The following SLCO1B3 variants were observed in gnomAD, a reference collection of about 807,000 sequenced individuals.
The protein encoded by SLCO1B3 is liver-specific organic anion transporter 2.
In SLCO1B3, 72 loss-of-function variants were observed where a neutral mutation model predicts 71.8. The observed-to-expected ratio is 1.00, with a 90% confidence interval of 0.83 to 1.22. SLCO1B3 has a LOEUF of 1.22. SLCO1B3 is among the 50% of genes most tolerant of loss of function. The probability of loss-of-function intolerance (pLI) is 0.00; values close to 1 mark genes in which losing one functional copy is unlikely to be tolerated. For synonymous variants in SLCO1B3, 298 were observed against 278.4 expected (o/e 1.07, Z -0.70); for missense variants, 911 against 819.7 (o/e 1.11, Z -1.36).
intron 12 of SLCO1B3, among the ~76,000 whole-genome samples, chr12:20,881,852 G>A (rs1445640277): frequency 6.6e-6 from 1 of 152,198 alleles, no homozygotes; most frequent in South Asian, 2.1e-4. Flanking sequence ...AGTCAGCTGC[G>A]ATTATGACTC....
rs202026832 is a variant in SLCO1B3 at position 20,814,522 on chromosome 12, T to TA, written c.-66+889dup. Among the ~76,000 whole-genome samples, 887 of 152,186 alleles carry TA rather than the reference T, an allele frequency of 5.8e-3. 8 individuals carry two copies. The highest frequency in any genetic ancestry group is 0.021 in the African/African-American group (862 of 41,526). ...ATTAATATAAAGTATATACAGAAGA[T>TA]AAAAAGGTAGAGTGCAGTAATACTG... On this transcript the variant is annotated intron_variant, in intron 2 of 15. Coordinates refer to ENST00000381545, the MANE Select transcript of SLCO1B3 (RefSeq NM_019844.4).
At chr12:20,825,196 C>T (rs552847004) in intron 3 of SLCO1B3, among the ~76,000 whole-genome samples, 11 of 152,036 alleles carry the variant, frequency 7.2e-5, no homozygotes, top group East Asian at 3.9e-4. Flanking sequence ...GTTTATCTAA[C>T]GCAGGGGTCC....
chr12:20,904,843 A>G (rs571563729), intron 15 of SLCO1B3, among the ~76,000 whole-genome samples: 153 of 126,820 alleles, frequency 1.2e-3, no homozygotes, highest in South Asian at 2.6e-3. Context: ...GCATGATCTC[A>G]GCTTCCCGTA....
At chr12:20,893,829 T>C (rs1865950696) in intron 13 of SLCO1B3, among the ~76,000 whole-genome samples, 1 of 152,158 alleles carries the variant, frequency 6.6e-6, no homozygotes, top group African/African-American at 2.4e-5. Context: ...GACATTCTGC[T>C]GGTGACAGGA....
chr12:20,821,753 G>A (rs1018386742), intron 3 of SLCO1B3, among the ~76,000 whole-genome samples: 6 of 152,194 alleles, frequency 3.9e-5, no homozygotes, highest in Admixed American at 1.3e-4. Flanking sequence ...GAAGGACCAA[G>A]GCAGGCATCC....
chr12:20,828,283 G>T (rs947301207), intron 3 of SLCO1B3, among the ~76,000 whole-genome samples: 1 of 136,142 alleles, frequency 7.3e-6, no homozygotes, highest in Non-Finnish European at 1.5e-5. Flanking sequence ...AATAGCACCT[G>T]TTGTAAGAAC....
At chr12:20,909,805 G>A (rs1866338470) in intron 15 of SLCO1B3, among the ~76,000 whole-genome samples, 2 of 152,130 alleles carry the variant, frequency 1.3e-5, no homozygotes, top group South Asian at 2.1e-4. Context: ...TGCACTCCTA[G>A]GCTCAGGGAA....
At chr12:20,890,368 G>C (rs1211237014) in intron 13 of SLCO1B3, among the ~76,000 whole-genome samples, 1 of 152,120 alleles carries the variant, frequency 6.6e-6, no homozygotes, top group South Asian at 2.1e-4. Flanking sequence ...ACTCTGAAAA[G>C]GTACTTGATA....
chr12:20,811,597 T>C (rs1453772885), intron 1 of SLCO1B3, among the ~76,000 whole-genome samples: 2 of 152,148 alleles, frequency 1.3e-5, no homozygotes, highest in Non-Finnish European at 1.5e-5. Flanking sequence ...TAAACAGAAA[T>C]AAGCAGAGGC....
At chr12:20,813,349 C>T (rs1033314495) in intron 1 of SLCO1B3, among the ~76,000 whole-genome samples, 175 bp from the exon 2 acceptor site, 5 of 152,130 alleles carry the variant, frequency 3.3e-5, no homozygotes, top group African/African-American at 9.7e-5. Flanking sequence ...TTGTTTGTGA[C>T]ACCAAAATTA....
chr12:20,866,152 G>C (rs1008407469), intron 8 of SLCO1B3, among the ~76,000 whole-genome samples: 1 of 152,078 alleles, frequency 6.6e-6, no homozygotes, highest in African/African-American at 2.4e-5. Context: ...AGTGATGCTG[G>C]AAGTGCTCCC....
At chr12:20,878,327 G>A (rs921521327) in intron 10 of SLCO1B3, among the ~76,000 whole-genome samples, 5 of 151,990 alleles carry the variant, frequency 3.3e-5, no homozygotes, top group African/African-American at 1.2e-4. Context: ...TAAGGCCTCA[G>A]CTACTTACAA....
intron 3 of SLCO1B3, among the ~76,000 whole-genome samples, chr12:20,835,709 T>C (rs754454247): frequency 6.6e-6 from 1 of 152,178 alleles, no homozygotes; most frequent in Non-Finnish European, 1.5e-5. Flanking sequence ...TACCAAACTT[T>C]CCCACATCTT....
rs751405974 is a variant in SLCO1B3, at chr12:20,875,332, AT to A, written c.833del (p.Phe278SerfsTer22). 8 of 1,612,522 alleles carry A rather than the reference AT, an allele frequency of 5.0e-6. No individual in the cohort carries two copies. The highest frequency in any genetic ancestry group is 3.3e-5 in the Admixed American group (2 of 59,786). On this transcript the variant is annotated frameshift_variant, in exon 9 of 16. Coordinates refer to ENST00000381545, the MANE Select transcript of SLCO1B3 (RefSeq NM_019844.4). LOFTEE classifies it high-confidence loss of function. ...TATTTTCCATTATTTCTTCCATACC[AT>A]TTTTTTTCTTGCCGAAAAATCCAAA... ...GLFSIISSIPFFFLPKNPNKP... is the reference protein window; with the variant it reads ...GLFSIISSIPXFFLPKNPNKP...
intron 4 of SLCO1B3, among the ~76,000 whole-genome samples, chr12:20,857,751 C>T (rs1385293290): frequency 6.6e-6 from 1 of 151,928 alleles, no homozygotes; most frequent in Non-Finnish European, 1.5e-5. Context: ...AACTATTTTC[C>T]ATCAGTGTTC....
chr12:20,875,219 T>C lies in SLCO1B3; in HGVS notation c.728-16T>C, dbSNP rs770413001. On this transcript the variant is annotated splice_polypyrimidine_tract_variant and intron_variant, in intron 8 of 15. Coordinates refer to ENST00000381545, the MANE Select transcript of SLCO1B3 (RefSeq NM_019844.4). ...AAAACGATTTTTGACTGGCTTCTTT[T>C]AACTGTTTCTCCTAGGCACTATCAG... 6 of 1,611,760 alleles carry C rather than the reference T, an allele frequency of 3.7e-6. No individual in the cohort carries two copies. In the Admixed American group the frequency reaches 1.0e-4, roughly 27 times the overall value.
intron 15 of SLCO1B3, among the ~76,000 whole-genome samples, chr12:20,912,779 C>G (rs973590337): frequency 6.6e-6 from 1 of 151,174 alleles, no homozygotes; most frequent in African/African-American, 2.4e-5. Context: ...ATCTCGGCCT[C>G]CCAAAGTGCT....
At chr12:20,850,721 ATT>A (rs950600903) in intron 3 of SLCO1B3, among the ~76,000 whole-genome samples, 1 of 152,094 alleles carries the variant, frequency 6.6e-6, no homozygotes, top group Non-Finnish European at 1.5e-5. Flanking sequence ...TATGTACTTA[ATT>A]TTTTGTTCAC....
At position 20,879,454 on chromosome 12, in the gene SLCO1B3, C is replaced by T. The variant is rs138702607; in HGVS notation, c.1154C>T (p.Thr385Met). The T allele has an allele frequency of 3.8e-5, 61 of 1,603,308 alleles. No individual in the cohort carries two copies. The highest frequency in any genetic ancestry group is 6.7e-5 in the African/African-American group (5 of 74,474). Residue 385 changes from threonine to methionine, a missense_variant, in exon 11 of 16, where the codon ACG (threonine) becomes ATG (methionine). Thr to Met is a moderately conservative substitution (Grantham distance 81). Transcript: ENST00000381545. ...TTTCTAGGAATCATAACCATTCCTA[C>T]GGTTGCAACTGGAATGTTTTTAGGA... ...NFLLGIITIP[T>M]VATGMFLGGF...
Sources: allele counts gnomAD v4.1 joint callset (sites outside exome capture counted in the v4.1 genomes callset), GRCh38; gene constraint gnomAD v4.1.1; transcripts MANE v1.5; gene names NCBI Gene and HGNC (gene_info 2026-07-23, HGNC 2026-07-21).